Variants in NTF3 observed in about 807,000 individuals in gnomAD.
The protein encoded by NTF3 is neurotrophin 3.
NTF3 carries 8 observed loss-of-function variants against 26.3 expected under a neutral mutation model. The observed-to-expected ratio is 0.30, with a 90% CI of 0.18 to 0.55. The LOEUF is 0.55. NTF3 is among the 20% of genes least tolerant of loss of function. The pLI, the probability that NTF3 is intolerant of heterozygous loss-of-function variation, is 0.93. For missense variants in NTF3, 276 were observed against 352.9 expected, an observed-to-expected ratio of 0.78 and a Z score of 1.75; for synonymous variants, 154 against 145.5, an observed-to-expected ratio of 1.06 and a Z score of -0.42.
At chr12:5,437,420 C>T (rs916275921) in intron 1 of NTF3, among the ~76,000 whole-genome samples, 1 of 151,806 alleles carries the variant, frequency 6.6e-6, no homozygotes, top group African/African-American at 2.4e-5. Flanking sequence ...ACTTCCACTC[C>T]CAGATGTATC....
chr12:5,477,079 G>A (rs915560268), intron 1 of NTF3, among the ~76,000 whole-genome samples: 22 of 152,068 alleles, frequency 1.4e-4, no homozygotes, highest in Non-Finnish European at 7.4e-5. Flanking sequence ...CATGAAAAAG[G>A]GTGTCTGTAA....
chr12:5,470,420 C>A (rs957528196), intron 1 of NTF3, among the ~76,000 whole-genome samples: 5 of 152,220 alleles, frequency 3.3e-5, no homozygotes, highest in African/African-American at 1.2e-4. Context: ...CAGGAAAACA[C>A]CCCCTCACGC....
chr12:5,439,502 G>A (rs79583477), intron 1 of NTF3, among the ~76,000 whole-genome samples: 4,626 of 152,206 alleles, frequency 0.03, 243 homozygotes, highest in African/African-American at 0.1. Flanking sequence ...CCCTGCCCCC[G>A]GAAGCCTCCT....
intron 1 of NTF3, among the ~76,000 whole-genome samples, chr12:5,479,797 G>A (rs1565394721): frequency 6.6e-6 from 1 of 152,162 alleles, no homozygotes; most frequent in African/African-American, 2.4e-5. Flanking sequence ...CAAGATAGCC[G>A]ATGGCTCAGC....
intron 1 of NTF3, among the ~76,000 whole-genome samples, chr12:5,452,283 A>G (rs1310012620): frequency 1.3e-5 from 2 of 151,144 alleles, no homozygotes; most frequent in African/African-American, 4.9e-5. Flanking sequence ...TTTAGTAGAG[A>G]CGGGGTTTCA....
At chr12:5,492,581 A>G (rs548639966) in intron 1 of NTF3, among the ~76,000 whole-genome samples, 3 of 152,346 alleles carry the variant, frequency 2.0e-5, no homozygotes, top group South Asian at 4.1e-4. Context: ...ACAATTCCTT[A>G]GAGTCATCTC....
intron 1 of NTF3, among the ~76,000 whole-genome samples, chr12:5,436,783 C>A (rs1159008966): frequency 6.6e-6 from 1 of 152,156 alleles, no homozygotes; most frequent in Non-Finnish European, 1.5e-5. Context: ...GTTTACTCAT[C>A]CAGAAGCTGG....
Position 5,494,241 on chromosome 12 carries a change from T to C in NTF3, c.66T>C (p.Phe22=), listed in dbSNP as rs142118305. 3.2e-5 allele frequency: 52 copies of C among 1,613,984 alleles called. No individual in the cohort carries two copies. In the Middle Eastern group the frequency reaches 8.2e-4, roughly 26 times the overall value. ...KVMSILFYVI[F]LAYLRGIQGN... ...TGTCCATCTTGTTTTATGTGATATT[T>C]CTCGCTTATCTCCGTGGCATCCAAG... is the stretch of plus-strand genomic sequence containing the variant. The change falls in exon 2 of 2, where the codon TTT becomes TTC. Residue 22 remains phenylalanine, a synonymous_variant. Coordinates refer to ENST00000423158, the MANE Select transcript of NTF3 (RefSeq NM_001102654.2). This position sits in a 1 kb window ranked among gnomAD's most constrained non-coding sequence, Gnocchi z 8.3.
chr12:5,441,912 T>G (rs549528818), intron 1 of NTF3, among the ~76,000 whole-genome samples: 1 of 152,368 alleles, frequency 6.6e-6, no homozygotes, highest in African/African-American at 2.4e-5. Flanking sequence ...TTAGCCTGCT[T>G]AGTTCTCCTG....
rs564189087 is a variant in NTF3, at chr12:5,487,083, C to T, written c.19-7111C>T. ...TTCCTAGTCCACCCTCCTTCCATGA[C>T]ATGGGAGTTTGTGATATGCAAAGGA... is the stretch of plus-strand genomic sequence containing the variant. On this transcript the variant is annotated intron_variant, in intron 1 of 1. Transcript: ENST00000423158. Among the ~76,000 whole-genome samples the T allele has an allele frequency of 2.0e-5, 3 of 152,342 alleles. No homozygotes were observed. The East Asian group carries it at 5.8e-4, about 29-fold the overall frequency.
At chr12:5,453,855 A>G (rs1265364394) in intron 1 of NTF3, among the ~76,000 whole-genome samples, 1 of 152,174 alleles carries the variant, frequency 6.6e-6, no homozygotes, top group Non-Finnish European at 1.5e-5. Context: ...TGTAGGGTAG[A>G]GTTTGAGTTT....
chr12:5,481,817 T>C (rs533355764), intron 1 of NTF3, among the ~76,000 whole-genome samples: 1 of 135,048 alleles, frequency 7.4e-6, no homozygotes, highest in Admixed American at 7.4e-5. Flanking sequence ...CAGAGACACA[T>C]GCACACACAT....
chr12:5,482,367 A>T (rs893251998), intron 1 of NTF3, among the ~76,000 whole-genome samples: 4 of 152,154 alleles, frequency 2.6e-5, no homozygotes, highest in Non-Finnish European at 5.9e-5. Flanking sequence ...GCTGTGTGAT[A>T]CTGAGTGCCC....
intron 1 of NTF3, among the ~76,000 whole-genome samples, chr12:5,459,436 C>T (rs1354342416): frequency 6.6e-6 from 1 of 152,216 alleles, no homozygotes; most frequent in South Asian, 2.1e-4. Flanking sequence ...TGCTCCCCTG[C>T]TAGAGTGACA....
At chr12:5,458,499 A>G (rs1940481590) in intron 1 of NTF3, among the ~76,000 whole-genome samples, 1 of 152,216 alleles carries the variant, frequency 6.6e-6, no homozygotes, top group African/African-American at 2.4e-5. Context: ...ACCACACGTG[A>G]CAGTGTCTGG....
chr12:5,457,616 C>A (rs901845808), intron 1 of NTF3, among the ~76,000 whole-genome samples: 1 of 152,158 alleles, frequency 6.6e-6, no homozygotes, highest in Non-Finnish European at 1.5e-5. Flanking sequence ...TATATCTTAT[C>A]TCTCAAATGC....
At chr12:5,480,970 T>C (rs1373701568) in intron 1 of NTF3, among the ~76,000 whole-genome samples, 1 of 152,094 alleles carries the variant, frequency 6.6e-6, no homozygotes, top group African/African-American at 2.4e-5. Flanking sequence ...ATGTTTCCAG[T>C]TCATGGGGAC....
At chr12:5,459,611 T>C (rs1565389356) in intron 1 of NTF3, among the ~76,000 whole-genome samples, 1 of 152,222 alleles carries the variant, frequency 6.6e-6, no homozygotes, top group Non-Finnish European at 1.5e-5. Context: ...TTTCCATTTC[T>C]TTACACCTGC....
intron 1 of NTF3, among the ~76,000 whole-genome samples, chr12:5,451,618 C>G (rs997612975): frequency 6.6e-6 from 1 of 152,158 alleles, no homozygotes; most frequent in Non-Finnish European, 1.5e-5. Flanking sequence ...CATTCTTTCT[C>G]TGTGTGTGCA....
Sources: allele counts gnomAD v4.1 joint callset (sites outside exome capture counted in the v4.1 genomes callset), GRCh38; gene constraint gnomAD v4.1.1; non-coding constraint Gnocchi (gnomAD v3.1); transcripts MANE v1.5; gene names NCBI Gene and HGNC (gene_info 2026-07-23, HGNC 2026-07-21).